Variants in SH3RF3 observed in about 807,000 individuals in gnomAD.
SH3RF3 encodes E3 ubiquitin-protein ligase SH3RF3.
In SH3RF3, 29 loss-of-function variants were observed where a neutral mutation model predicts 66.3. The observed-to-expected ratio is 0.44, with a 90% confidence interval of 0.33 to 0.60. The LOEUF is 0.60. Ranked by LOEUF, SH3RF3 falls within the 20% of genes least tolerant of loss-of-function variation. The probability of loss-of-function intolerance (pLI) is 0.04; values close to 1 mark genes in which losing one functional copy is unlikely to be tolerated. For missense variants in SH3RF3, 1,194 were observed against 1,190.9 expected (o/e 1.00, Z -0.04); for synonymous variants, 583 against 532.0 (o/e 1.10, Z -1.32).
At chr2:109,364,666 C>CT (rs908844476) in intron 2 of SH3RF3, among the ~76,000 whole-genome samples, 21 of 152,230 alleles carry the variant, frequency 1.4e-4, no homozygotes, top group African/African-American at 4.8e-4. Context: ...TTTCAGCAAG[C>CT]TTGTGCCCCT....
At chr2:109,253,924 A>G (rs1680155864) in intron 1 of SH3RF3, among the ~76,000 whole-genome samples, 1 of 152,118 alleles carries the variant, frequency 6.6e-6, no homozygotes, top group South Asian at 2.1e-4. Flanking sequence ...GGAAGTCTTT[A>G]ATTCCCCTTC....
Position 109,129,808 on chromosome 2 carries a change from C to G in SH3RF3, c.268C>G (p.His90Asp). ...CCTGGAGAGCATCGTGTGCTCGCGC[C>G]ACGAGCTGCGCTGCCCCGAGTGCCG... ...RCLESIVCSRHELRCPECRIL... is the reference protein window; with the variant it reads ...RCLESIVCSRDELRCPECRIL... The change falls in exon 1 of 10, where the codon CAC (histidine) becomes GAC (aspartate). Residue 90 changes from histidine (H) to aspartate (D), a missense_variant. Transcript: ENST00000309415. The G allele has an allele frequency of 6.5e-7, 1 of 1,538,316 alleles. No individual in the cohort carries two copies. Among genetic ancestry groups the G allele is most frequent in the Non-Finnish European group, 8.7e-7 (1 of 1,145,436 alleles).
chr2:109,363,687 CA>C (rs1369008691), intron 2 of SH3RF3, among the ~76,000 whole-genome samples: 1 of 152,146 alleles, frequency 6.6e-6, no homozygotes, highest in Non-Finnish European at 1.5e-5. Flanking sequence ...GTTTGTTTGA[CA>C]AATCTTTATT....
In SH3RF3 at chr2:109,129,549, C is replaced by T. The variant is rs1283621217; in HGVS notation, c.9C>T (p.Leu3=). 2 of 1,495,714 alleles carry T rather than the reference C, an allele frequency of 1.3e-6. No homozygotes were observed. Among genetic ancestry groups the T allele is most frequent in the Non-Finnish European group, 1.8e-6 (2 of 1,129,890 alleles). The allele number at this position is 1,495,714 out of a possible 1,614,324, so 92.7% of individuals were successfully genotyped here. A position where few individuals can be genotyped will look rare whatever the true frequency, so the allele number is the denominator to read the frequency against. Residue 3 remains leucine, a synonymous_variant, in exon 1 of 10, where the codon CTC becomes CTT. Coordinates refer to ENST00000309415, the MANE Select transcript of SH3RF3 (RefSeq NM_001099289.3). ...CTGCGGGCGCCTCCCCCATGCTGCT[C>T]GGAGCGTCCTGGCTGTGCGCATCCA... The part of the protein sequence containing the change: ML[L]GASWLCASKA...
chr2:109,161,395 C>T (rs1442346491), intron 1 of SH3RF3, among the ~76,000 whole-genome samples: 2 of 151,964 alleles, frequency 1.3e-5, no homozygotes, highest in East Asian at 1.9e-4. Context: ...GCCTCCTGAG[C>T]CTTCGTTTCC....
chr2:109,401,260 T>C lies in SH3RF3; in HGVS notation c.1299+2317T>C, dbSNP rs542623256. Reference sequence around the variant, plus strand: ...GAGCAACTGTTGGCGATGTGAACAGTCGAAAGTTGTGTTGTGAAACAAATT... The same window carrying C: ...GAGCAACTGTTGGCGATGTGAACAGCCGAAAGTTGTGTTGTGAAACAAATT... On this transcript the variant is annotated intron_variant, in intron 4 of 9. Transcript: ENST00000309415. Among the ~76,000 whole-genome samples the C allele has an allele frequency of 1.1e-4, 17 of 152,282 alleles. No homozygotes were observed. In the South Asian group the frequency reaches 3.3e-3, roughly 30 times the overall value.
At chr2:109,242,739 C>A (rs1305452082) in intron 1 of SH3RF3, among the ~76,000 whole-genome samples, 1 of 152,208 alleles carries the variant, frequency 6.6e-6, no homozygotes, top group Non-Finnish European at 1.5e-5. Flanking sequence ...GAGTCCACAG[C>A]TGGGCCTTGA....
At chr2:109,456,891 C>T (rs549174062) in intron 8 of SH3RF3, among the ~76,000 whole-genome samples, 9 of 152,206 alleles carry the variant, frequency 5.9e-5, no homozygotes, top group Non-Finnish European at 1.3e-4. Context: ...GGGCTCATGC[C>T]GCTGAGCCTT....
At position 109,237,346 on chromosome 2, in the gene SH3RF3, GA is replaced by G. The variant is rs562276937; in HGVS notation, c.573+107241del. Among the ~76,000 whole-genome samples, 1,097 of 151,832 alleles carry G rather than the reference GA, an allele frequency of 7.2e-3. 10 individuals are homozygous for G. The highest frequency in any genetic ancestry group is 0.014 in the African/African-American group (563 of 41,448). On this transcript the variant is annotated intron_variant, in intron 1 of 9. Coordinates refer to ENST00000309415, the MANE Select transcript of SH3RF3 (RefSeq NM_001099289.3). ...CTTGGTAATCAAAGAGGTACACATT[GA>G]AAAAAAATGTTGTTTCTCAGCTTTC...
intron 5 of SH3RF3, among the ~76,000 whole-genome samples, chr2:109,427,055 G>A (rs769951465): frequency 2.0e-5 from 3 of 151,980 alleles, no homozygotes; most frequent in South Asian, 2.1e-4. Flanking sequence ...TGGAACCTTC[G>A]CCTCCTGGGT....
intron 1 of SH3RF3, among the ~76,000 whole-genome samples, chr2:109,317,333 G>T (rs963826718): frequency 6.6e-6 from 1 of 152,118 alleles, no homozygotes; most frequent in East Asian, 1.9e-4. Flanking sequence ...GGGCGTCTGT[G>T]GGCAGGTGGG....
intron 2 of SH3RF3, among the ~76,000 whole-genome samples, chr2:109,356,628 G>A (rs569252198): frequency 6.6e-6 from 1 of 152,284 alleles, no homozygotes; most frequent in Admixed American, 6.5e-5. Context: ...CTTAGGAGAT[G>A]CTTGAATATA....
At chr2:109,316,774 G>C (rs141905905) in intron 1 of SH3RF3, among the ~76,000 whole-genome samples, 8 of 152,232 alleles carry the variant, frequency 5.3e-5, no homozygotes, top group African/African-American at 1.9e-4. Context: ...TACTTTCCCT[G>C]CCCTTAAAAA....
At chr2:109,331,780 T>A (rs72939581) in intron 1 of SH3RF3, among the ~76,000 whole-genome samples, 2,723 of 152,282 alleles carry the variant, frequency 0.018, 99 homozygotes, top group African/African-American at 0.063. Flanking sequence ...ACTGATTGAA[T>A]GAATATAATA....
At chr2:109,383,598 C>T (rs1398371807) in intron 3 of SH3RF3, among the ~76,000 whole-genome samples, 4 of 152,146 alleles carry the variant, frequency 2.6e-5, no homozygotes, top group Non-Finnish European at 4.4e-5. Flanking sequence ...ATGCCCAAAC[C>T]GTGTGTGTGC....
intron 1 of SH3RF3, among the ~76,000 whole-genome samples, chr2:109,309,945 C>T (rs1681687963): frequency 1.6e-5 from 2 of 124,344 alleles, no homozygotes; most frequent in South Asian, 5.2e-4. Flanking sequence ...GACAGAAAGT[C>T]AACAAGGATA....
chr2:109,188,431 C>T (rs1304386007), intron 1 of SH3RF3, among the ~76,000 whole-genome samples: 1 of 152,206 alleles, frequency 6.6e-6, no homozygotes, highest in Non-Finnish European at 1.5e-5. Flanking sequence ...GCCCAGCCAT[C>T]CACACAACAG....
At chr2:109,422,933 C>T (rs978416706) in intron 5 of SH3RF3, among the ~76,000 whole-genome samples, 2 of 152,008 alleles carry the variant, frequency 1.3e-5, no homozygotes, top group East Asian at 1.9e-4. Context: ...AGGAGGAGGA[C>T]GAAACAGGCA....
At chr2:109,472,593 T>A (rs1431406647) in intron 8 of SH3RF3, among the ~76,000 whole-genome samples, 7 of 152,158 alleles carry the variant, frequency 4.6e-5, no homozygotes, top group Non-Finnish European at 1.0e-4. Context: ...ATGAAGTGAT[T>A]TCCATCCATC....
Sources: allele counts gnomAD v4.1 joint callset (sites outside exome capture counted in the v4.1 genomes callset), GRCh38; gene constraint gnomAD v4.1.1; transcripts MANE v1.5; gene names NCBI Gene and HGNC (gene_info 2026-07-23, HGNC 2026-07-21).